The following EFCAB14 variants were observed in gnomAD, a reference collection of about 807,000 sequenced individuals.
EFCAB14 encodes EF-hand calcium binding domain 14, also known as EF-hand calcium-binding domain-containing protein 14.
Under a neutral mutation model 56.5 loss-of-function variants are expected in EFCAB14, and 43 were observed. The ratio of observed to expected loss-of-function variants is 0.76; its 90% CI spans 0.60 to 0.98. The LOEUF (loss-of-function observed/expected upper bound fraction) is 0.98. Ranked by LOEUF, EFCAB14 falls within the 50% of genes least tolerant of loss-of-function variation. The pLI is 0.00. For missense variants in EFCAB14, 538 were observed against 580.3 expected (o/e 0.93, Z 0.75); for synonymous variants, 235 against 212.9 (o/e 1.10, Z -0.90).
In EFCAB14 at chr1:46,687,049, G is replaced by A. The variant is rs914881428; in HGVS notation, c.988-179C>T. The A allele has an allele frequency of 4.9e-6, 3 of 611,964 alleles. No individual in the cohort carries two copies. The African/African-American group carries it at 5.6e-5, about 11-fold the overall frequency. 37.9% of individuals were successfully genotyped at this position (611,964 alleles called of 1,614,324 possible). ...GGAGAGAGGGAGAAAGGCCAGAGAC[G>A]AAGTTGAAACTAGTGCTTCTAGCTG... On this transcript the variant is annotated intron_variant, in intron 7 of 10. Transcript: ENST00000371933.
chr1:46,706,859 C>G (rs1305067983), intron 3 of EFCAB14, among the ~76,000 whole-genome samples: 1 of 152,132 alleles, frequency 6.6e-6, no homozygotes, highest in Non-Finnish European at 1.5e-5. Flanking sequence ...TAAGAGTGAG[C>G]TACTGTTTCA....
chr1:46,712,213 A>G (rs1248269118), intron 2 of EFCAB14, among the ~76,000 whole-genome samples: 3 of 152,204 alleles, frequency 2.0e-5, no homozygotes, highest in Non-Finnish European at 4.4e-5. Flanking sequence ...GCACAAGACC[A>G]TCTTTAACTT....
In EFCAB14 at chr1:46,683,397, T is replaced by A; in HGVS notation, c.1215A>T (p.Pro405=). The change falls in exon 10 of 11, where the codon CCA becomes CCT. Residue 405 remains proline, a synonymous_variant. Coordinates refer to ENST00000371933, the MANE Select transcript of EFCAB14 (RefSeq NM_014774.3). The part of the protein sequence containing the change: ...EEQVESFTSK[P]SALPKFSQFL... ...ACTGTGAAAATTTTGGCAATGCTGATGGCTTTGATGTGAAACTCTCTACTT... is the reference window on the plus strand; with the variant it reads ...ACTGTGAAAATTTTGGCAATGCTGAAGGCTTTGATGTGAAACTCTCTACTT... 6.2e-7 allele frequency: 1 copy of A among 1,614,066 alleles called. No individual in the cohort carries two copies. Among genetic ancestry groups the A allele is most frequent in the South Asian group, 1.1e-5 (1 of 91,078 alleles).
chr1:46,678,313 T>A lies in EFCAB14; in HGVS notation c.*148A>T, dbSNP rs116661609. 3.5e-3 allele frequency: 2,322 copies of A among 672,896 alleles called. 37 individuals carry two copies. The African/African-American group carries it at 0.039, about 11-fold the overall frequency. 41.7% of individuals were successfully genotyped at this position (672,896 alleles called of 1,614,324 possible). A position where few individuals can be genotyped will look rare whatever the true frequency, so the allele number is the denominator to read the frequency against. Reference sequence around the variant, plus strand: ...TCTTCTTCTTTAAAAAAATAACTTTTATATAGCTTCTTCAAACAAGTTAAA... The same window carrying A: ...TCTTCTTCTTTAAAAAAATAACTTTAATATAGCTTCTTCAAACAAGTTAAA... On this transcript the variant is annotated 3_prime_UTR_variant, in exon 11 of 11. Transcript: ENST00000371933.
At chr1:46,712,895 TCCC>T (rs1677329868) in intron 2 of EFCAB14, among the ~76,000 whole-genome samples, 1 of 151,834 alleles carries the variant, frequency 6.6e-6, no homozygotes, top group Non-Finnish European at 1.5e-5. Flanking sequence ...CGCCTGTAAT[TCCC>T]AGCTACTCAG....
rs148225926 is a variant in EFCAB14, at chr1:46,675,159, T to C, written c.*3302A>G. On this transcript the variant is annotated 3_prime_UTR_variant, in exon 11 of 11. Coordinates refer to ENST00000371933, the MANE Select transcript of EFCAB14 (RefSeq NM_014774.3). Reference sequence around the variant, plus strand: ...GTGAGAGAGGCTTTAGTCAGACACATTGAGAGAAAAAAGAAATTTTTTTAT... The same window carrying C: ...GTGAGAGAGGCTTTAGTCAGACACACTGAGAGAAAAAAGAAATTTTTTTAT... 449 of 152,350 alleles carry C rather than the reference T, an allele frequency of 2.9e-3. 3 individuals are homozygous for C. The highest frequency in any genetic ancestry group is 0.01 in the African/African-American group (435 of 41,470). 9.4% of individuals were successfully genotyped at this position (152,350 alleles called of 1,614,324 possible).
At chr1:46,692,188 T>C in intron 4 of EFCAB14, 1 of 328,250 alleles carries the variant, frequency 3.0e-6, no homozygotes, top group Admixed American at 4.9e-5. Context: ...TCAGTCTTCA[T>C]TTTCTAGATT....
rs373183771 is a variant in EFCAB14, at chr1:46,708,210, C to T, written c.335-159G>A. On this transcript the variant is annotated intron_variant, in intron 2 of 10. Coordinates refer to ENST00000371933, the MANE Select transcript of EFCAB14 (RefSeq NM_014774.3). ...TAAATATATATCTTTCACACTAAAGCTCCCATTTTAACTGGGGCTATTTCA... is the reference window on the plus strand; with the variant it reads ...TAAATATATATCTTTCACACTAAAGTTCCCATTTTAACTGGGGCTATTTCA... Among the ~76,000 whole-genome samples the T allele has an allele frequency of 3.3e-5, 5 of 152,194 alleles. No individual in the cohort carries two copies. The East Asian group carries it at 9.6e-4, about 29-fold the overall frequency.
chr1:46,691,330 T>C (rs1676988111), intron 5 of EFCAB14, among the ~76,000 whole-genome samples: 1 of 152,174 alleles, frequency 6.6e-6, no homozygotes, highest in Admixed American at 6.5e-5. Context: ...TTCCATGTGT[T>C]GTAGGCTGCA....
rs1676924291 is a variant in EFCAB14 at position 46,688,423 on chromosome 1, ACT to A, written c.915_916del (p.Arg305SerfsTer27). 3 of 1,613,804 alleles carry A rather than the reference ACT, an allele frequency of 1.9e-6. No individual in the cohort carries two copies. Among genetic ancestry groups the A allele is most frequent in the Non-Finnish European group, 2.5e-6 (3 of 1,179,880 alleles). ...AACCACATCGCTTTCTATCAGGTTG[ACT>A]CTCTGGGTAAGATTACTGACTGTCT... is the stretch of plus-strand genomic sequence containing the variant. On this transcript the variant is annotated frameshift_variant, in exon 7 of 11. Transcript: ENST00000371933. LOFTEE classifies it high-confidence loss of function.
At chr1:46,696,685 T>C (rs1469482100) in intron 3 of EFCAB14, 36 bp from the exon 4 acceptor site, 2 of 1,597,364 alleles carry the variant, frequency 1.3e-6, no homozygotes, top group Non-Finnish European at 1.7e-6. Flanking sequence ...TGAAAACAAA[T>C]GAGAATTTGT....
At chr1:46,710,059 TGA>T (rs1677286633) in intron 2 of EFCAB14, among the ~76,000 whole-genome samples, 1 of 152,120 alleles carries the variant, frequency 6.6e-6, no homozygotes, top group African/African-American at 2.4e-5. Flanking sequence ...CCCCACAAAA[TGA>T]GGAGTGATGG....
chr1:46,709,450 C>T (rs1343678293), intron 2 of EFCAB14, among the ~76,000 whole-genome samples: 1 of 152,140 alleles, frequency 6.6e-6, no homozygotes, highest in East Asian at 1.9e-4. Flanking sequence ...GACCACTGCA[C>T]CTCTTTTCAC....
rs780083756 is a variant in EFCAB14, at chr1:46,718,122, G to C, written c.-35C>G. On this transcript the variant is annotated 5_prime_UTR_variant, in exon 1 of 11. Transcript: ENST00000371933. ...TGGGGTGAGTGGAGCCCCGACTCCT[G>C]AGCTGCCAGGTTCGTACCCGATGCC... is the stretch of plus-strand genomic sequence containing the variant. The C allele has an allele frequency of 3.7e-6, 6 of 1,603,976 alleles. No homozygotes were observed. Among genetic ancestry groups the C allele is most frequent in the Non-Finnish European group, 1.7e-6 (2 of 1,173,210 alleles).
At chr1:46,692,827 A>G (rs771830332) in intron 4 of EFCAB14, among the ~76,000 whole-genome samples, 1 of 152,244 alleles carries the variant, frequency 6.6e-6, no homozygotes, top group Non-Finnish European at 1.5e-5. Flanking sequence ...TATCAATCAA[A>G]CAAGTAATTT....
chr1:46,690,150 C>T (rs1397864279), intron 5 of EFCAB14, among the ~76,000 whole-genome samples: 1 of 152,222 alleles, frequency 6.6e-6, no homozygotes, highest in Non-Finnish European at 1.5e-5. Context: ...AGCATAACCA[C>T]CAATCATGTG....
intron 10 of EFCAB14, among the ~76,000 whole-genome samples, chr1:46,679,323 C>T (rs1676750173): frequency 6.6e-6 from 1 of 152,286 alleles, no homozygotes; most frequent in East Asian, 1.9e-4. Flanking sequence ...TTTTTTGAAG[C>T]TAAGTCTCAC....
At chr1:46,684,838 C>T (rs1357444982) in intron 8 of EFCAB14, among the ~76,000 whole-genome samples, 1 of 152,186 alleles carries the variant, frequency 6.6e-6, no homozygotes, top group Non-Finnish European at 1.5e-5. Context: ...TGATCTGATT[C>T]ACTGTGAACA....
chr1:46,701,010 T>TGTGTGC (rs1271604903), intron 3 of EFCAB14, among the ~76,000 whole-genome samples: 1 of 151,684 alleles, frequency 6.6e-6, no homozygotes, highest in Admixed American at 6.6e-5. Context: ...TGTGTGTGTG[T>TGTGTGC]GCATGTGAGA....
Sources: allele counts gnomAD v4.1 joint callset (sites outside exome capture counted in the v4.1 genomes callset), GRCh38; gene constraint gnomAD v4.1.1; transcripts MANE v1.5; gene names NCBI Gene and HGNC (gene_info 2026-07-23, HGNC 2026-07-21).